RAPGEF6: variants seen among roughly 807,000 people sequenced by gnomAD.
RAPGEF6 encodes Rap guanine nucleotide exchange factor 6.
In RAPGEF6, 56 loss-of-function variants were observed where a neutral mutation model predicts 171.4. The observed-to-expected ratio is 0.33, with a 90% CI of 0.26 to 0.41. The LOEUF is 0.41. Ranked by LOEUF, RAPGEF6 falls within the 10% of genes least tolerant of loss-of-function variation. The probability of loss-of-function intolerance (pLI) is 1.00; values close to 1 mark genes in which losing one functional copy is unlikely to be tolerated. For synonymous variants in RAPGEF6, 692 were observed against 650.1 expected, an observed-to-expected ratio of 1.06 and a Z score of -0.98; for missense variants, 1,674 against 1,921.4, an observed-to-expected ratio of 0.87 and a Z score of 2.41.
In RAPGEF6 at chr5:131,597,253, T is replaced by TA. The variant is rs1252268866; in HGVS notation, c.198-4788dup. On this transcript the variant is annotated intron_variant, in intron 3 of 27. Transcript: ENST00000509018. ...GAGGATTTCAGGAGAAGGGAACACT[T>TA]ATACACTGTTGGTGGGAACGTAAAT... Among the ~76,000 whole-genome samples the TA allele has an allele frequency of 6.6e-5, 10 of 152,034 alleles. No homozygotes were observed. The East Asian group carries it at 1.7e-3, about 26-fold the overall frequency.
chr5:131,474,727 A>T (rs1754983033), intron 16 of RAPGEF6, among the ~76,000 whole-genome samples: 1 of 152,244 alleles, frequency 6.6e-6, no homozygotes. Context: ...GGTAAGAGAA[A>T]ATAAGAGGAA....
intron 1 of RAPGEF6, among the ~76,000 whole-genome samples, chr5:131,612,670 G>T (rs1765004726): frequency 6.6e-6 from 1 of 152,090 alleles, no homozygotes; most frequent in Non-Finnish European, 1.5e-5. Context: ...TCTGAAAATT[G>T]TAATACACAA....
intron 7 of RAPGEF6, among the ~76,000 whole-genome samples, chr5:131,510,986 G>A (rs966009680): frequency 2.2e-4 from 33 of 152,062 alleles, no homozygotes; most frequent in Non-Finnish European, 4.6e-4. Flanking sequence ...GTAAGGTAAA[G>A]AACAGTACTA....
chr5:131,521,891 ACTCTCT>A (rs144983094), intron 6 of RAPGEF6, among the ~76,000 whole-genome samples: 83 of 123,648 alleles, frequency 6.7e-4, no homozygotes, highest in Admixed American at 1.5e-3. Flanking sequence ...ACACACACAC[ACTCTCT>A]CTCTCTCTCA....
intron 14 of RAPGEF6, among the ~76,000 whole-genome samples, chr5:131,490,051 C>A (rs1183626372): frequency 6.6e-6 from 1 of 152,056 alleles, no homozygotes; most frequent in African/African-American, 2.4e-5. Flanking sequence ...AGAGGTAATT[C>A]TTTTAAAGGG....
chr5:131,475,622 G>A (rs980613225), intron 16 of RAPGEF6, among the ~76,000 whole-genome samples: 2 of 152,096 alleles, frequency 1.3e-5, no homozygotes, highest in Non-Finnish European at 2.9e-5. Flanking sequence ...TAAAAGCTAT[G>A]TGATTTTTAA....
At chr5:131,584,690 T>C (rs1452145791) in intron 4 of RAPGEF6, among the ~76,000 whole-genome samples, 1 of 152,190 alleles carries the variant, frequency 6.6e-6, no homozygotes, top group African/African-American at 2.4e-5. Flanking sequence ...TTCTGATGAT[T>C]CATCAGTGGC....
At position 131,603,324 on chromosome 5, in the gene RAPGEF6, T is replaced by G; in HGVS notation, c.144A>C (p.Leu48Phe). 6.5e-7 allele frequency: 1 copy of G among 1,544,688 alleles called. No homozygotes were observed. The highest frequency in any genetic ancestry group is 8.7e-7 in the Non-Finnish European group (1 of 1,149,788). ...LSNLREHQLR[L>F]MSARARYERY... The stretch of plus-strand genomic sequence containing the variant: ...TCTCATAGCGTGCTCTTGCAGACAT[T>G]AATCTATTAAAAAAAAAAATTGAAG... Residue 48 changes from leucine (L) to phenylalanine (F), a missense_variant, in exon 3 of 28, where the codon TTA (leucine) becomes TTC (phenylalanine). By Grantham distance (22) the Leu-to-Phe change is conservative (BLOSUM62 0). Transcript: ENST00000509018.
intron 3 of RAPGEF6, among the ~76,000 whole-genome samples, chr5:131,596,906 A>G (rs1248305398): frequency 2.0e-5 from 3 of 152,238 alleles, no homozygotes; most frequent in Non-Finnish European, 4.4e-5. Flanking sequence ...ACATCAAACT[A>G]AAAAGTTTTT....
chr5:131,468,331 CAAAAAA>C (rs397760383), intron 17 of RAPGEF6, among the ~76,000 whole-genome samples: 1 of 46,080 alleles, frequency 2.2e-5, no homozygotes, highest in Non-Finnish European at 4.7e-5. Flanking sequence ...GACTCCATCT[CAAAAAA>C]AAAAAAAAAA....
At chr5:131,583,903 T>A (rs1287607784) in intron 4 of RAPGEF6, among the ~76,000 whole-genome samples, 2 of 152,144 alleles carry the variant, frequency 1.3e-5, no homozygotes, top group African/African-American at 4.8e-5. Context: ...TCAAAATAAT[T>A]TTACTGAGTG....
rs921386201 is a variant in RAPGEF6, at chr5:131,435,766, G to C, written c.3746-2108C>G. On this transcript the variant is annotated intron_variant, in intron 24 of 27. Coordinates refer to ENST00000509018, the MANE Select transcript of RAPGEF6 (RefSeq NM_016340.6). ...ATAAAGTCAACTACAGAAAACAAGA[G>C]TATAAAATTTACTAACTCAATACAT... The C allele has an allele frequency of 6.7e-6, 8 of 1,192,578 alleles. No homozygotes were observed. In the Admixed American group the frequency reaches 9.9e-5, roughly 15 times the overall value. The allele number at this position is 1,192,578 out of a possible 1,614,324, so 73.9% of individuals were successfully genotyped here. A position where few individuals can be genotyped will look rare whatever the true frequency, so the allele number is the denominator to read the frequency against.
chr5:131,523,817 C>A (rs1317454155), intron 6 of RAPGEF6, among the ~76,000 whole-genome samples: 3 of 83,436 alleles, frequency 3.6e-5, no homozygotes, highest in Non-Finnish European at 5.8e-5. Flanking sequence ...AACAAAAAAC[C>A]CACCCCAAAA....
At chr5:131,626,618 C>T (rs1307240821) in intron 1 of RAPGEF6, among the ~76,000 whole-genome samples, 1 of 151,956 alleles carries the variant, frequency 6.6e-6, no homozygotes, top group African/African-American at 2.4e-5. Context: ...CCTACTCATA[C>T]CTTTGTCACT....
intron 3 of RAPGEF6, among the ~76,000 whole-genome samples, chr5:131,597,960 C>A (rs930504978): frequency 1.3e-5 from 2 of 151,938 alleles, no homozygotes; most frequent in African/African-American, 4.8e-5. Context: ...TATTGGAATA[C>A]CAACTTGTAC....
chr5:131,431,473 A>T (rs1210294367), intron 25 of RAPGEF6, 124 bp from the exon 26 acceptor site: 5 of 1,016,110 alleles, frequency 4.9e-6, no homozygotes, highest in Non-Finnish European at 7.1e-6. Flanking sequence ...GCCAAATAAC[A>T]TCGTGAGGAA....
chr5:131,442,446 G>A lies in RAPGEF6; in HGVS notation c.3513C>T (p.His1171=), dbSNP rs776952490. The part of the protein sequence containing the change: ...MRSAGQTTKA[H]LHQPHRVSQV... The stretch of plus-strand genomic sequence containing the variant: ...GGCTTACTCTGTGGGGTTGATGCAA[G>A]TGGGCTTTAGTTGTTTGGCCAGCTG... The change falls in exon 23 of 28, where the codon CAC becomes CAT. Residue 1171 remains histidine, a synonymous_variant. Coordinates refer to ENST00000509018, the MANE Select transcript of RAPGEF6 (RefSeq NM_016340.6). The A allele has an allele frequency of 6.2e-7, 1 of 1,614,196 alleles. No homozygotes were observed. Among genetic ancestry groups the A allele is most frequent in the Admixed American group, 1.7e-5 (1 of 60,016 alleles).
At chr5:131,530,094 C>T (rs969756269) in intron 6 of RAPGEF6, among the ~76,000 whole-genome samples, 4 of 147,982 alleles carry the variant, frequency 2.7e-5, no homozygotes, top group Non-Finnish European at 6.0e-5. Flanking sequence ...TTTTAATAGA[C>T]ACGGGGTTTC....
chr5:131,468,080 C>G (rs1306653773), intron 17 of RAPGEF6, among the ~76,000 whole-genome samples: 1 of 151,126 alleles, frequency 6.6e-6, no homozygotes, highest in Non-Finnish European at 1.5e-5. Context: ...GTAATTCCAG[C>G]ACTTTGGGAG....
Sources: allele counts gnomAD v4.1 joint callset (sites outside exome capture counted in the v4.1 genomes callset), GRCh38; gene constraint gnomAD v4.1.1; transcripts MANE v1.5; gene names NCBI Gene and HGNC (gene_info 2026-07-23, HGNC 2026-07-21).